The following FYN variants were observed in gnomAD, a reference collection of about 807,000 sequenced individuals.
FYN encodes the protein FYN proto-oncogene, Src family tyrosine kinase.
FYN carries 10 observed loss-of-function variants against 70.2 expected under a neutral mutation model. The ratio of observed to expected loss-of-function variants is 0.14; its 90% CI spans 0.09 to 0.24. The LOEUF is 0.24. Ranked by LOEUF, FYN falls within the 10% of genes least tolerant of loss-of-function variation. The pLI is 1.00. For synonymous variants in FYN, 236 were observed against 248.6 expected, an observed-to-expected ratio of 0.95 and a Z score of 0.48; for missense variants, 319 against 673.1, an observed-to-expected ratio of 0.47 and a Z score of 5.82.
At position 111,700,285 on chromosome 6, in the gene FYN, G is replaced by A. The variant is rs765166163; in HGVS notation, c.698-17C>T. ...CAGCTCTCTCTGATGGAGCAGGGCA[G>A]GGGCAGGAGAGGGAGAGAAGAGCAG... On this transcript the variant is annotated splice_polypyrimidine_tract_variant and intron_variant, in intron 8 of 13. Transcript: ENST00000354650. 7 of 1,613,224 alleles carry A rather than the reference G, an allele frequency of 4.3e-6. No homozygotes were observed. The highest frequency in any genetic ancestry group is 4.0e-5 in the African/African-American group (3 of 74,900).
chr6:111,871,754 C>T (rs1009568470), intron 1 of FYN, among the ~76,000 whole-genome samples: 1 of 152,154 alleles, frequency 6.6e-6, no homozygotes, highest in Non-Finnish European at 1.5e-5. Context: ...GGGGAAAGAA[C>T]GAGGGGATGG....
At chr6:111,678,179 C>T (rs1472302328) in intron 12 of FYN, among the ~76,000 whole-genome samples, 1 of 148,064 alleles carries the variant, frequency 6.8e-6, no homozygotes, top group Non-Finnish European at 1.5e-5. Flanking sequence ...ATCTTTTCCA[C>T]TGAATGTTTT....
chr6:111,728,888 G>A (rs1801315824), intron 3 of FYN, among the ~76,000 whole-genome samples: 1 of 151,992 alleles, frequency 6.6e-6, no homozygotes, highest in Non-Finnish European at 1.5e-5. Flanking sequence ...ATACAGATAA[G>A]AGAAACTCTA....
At chr6:111,831,285 A>G (rs1773009029) in intron 2 of FYN, among the ~76,000 whole-genome samples, 1 of 152,206 alleles carries the variant, frequency 6.6e-6, no homozygotes, top group Non-Finnish European at 1.5e-5. Context: ...GAACCAAAGA[A>G]TAACTGTTAC....
chr6:111,721,164 G>C (rs1262444416), intron 3 of FYN, among the ~76,000 whole-genome samples: 2 of 152,154 alleles, frequency 1.3e-5, no homozygotes, highest in Non-Finnish European at 2.9e-5. Context: ...TTCTCCGACT[G>C]CCCTGCCCTT....
At chr6:111,730,328 C>A (rs1364103145) in intron 3 of FYN, among the ~76,000 whole-genome samples, 2 of 152,176 alleles carry the variant, frequency 1.3e-5, no homozygotes, top group Non-Finnish European at 2.9e-5. Context: ...AGCAGGGTGG[C>A]TGGATTAGTG....
intron 3 of FYN, among the ~76,000 whole-genome samples, chr6:111,768,555 C>G (rs1267375094): frequency 6.6e-6 from 1 of 152,184 alleles, no homozygotes; most frequent in Non-Finnish European, 1.5e-5. Context: ...TGCCAGGGCC[C>G]TGTTCTCCGG....
At chr6:111,742,432 A>T (rs1802018443) in intron 3 of FYN, among the ~76,000 whole-genome samples, 1 of 152,222 alleles carries the variant, frequency 6.6e-6, no homozygotes, top group Non-Finnish European at 1.5e-5. Flanking sequence ...TTAACATCCA[A>T]TCATTTCTCT....
At chr6:111,837,762 G>A (rs574323175) in intron 2 of FYN, among the ~76,000 whole-genome samples, 2 of 151,686 alleles carry the variant, frequency 1.3e-5, no homozygotes, top group African/African-American at 4.8e-5. Context: ...TTGGTGAGAC[G>A]GTCAGGACTT....
rs374854376 is a variant in FYN at position 111,855,585 on chromosome 6, C to A, written c.-122-8956G>T. Among the ~76,000 whole-genome samples, 14 of 152,320 alleles carry A rather than the reference C, an allele frequency of 9.2e-5. No individual in the cohort carries two copies. In the South Asian group the frequency reaches 2.7e-3, roughly 29 times the overall value. ...ATACTAAATACAAAAAACACTTCAA[C>A]ATAGCAGTATATTCCTTCTCTTTTG... On this transcript the variant is annotated intron_variant, in intron 1 of 13. Coordinates refer to ENST00000354650, the MANE Select transcript of FYN (RefSeq NM_002037.5).
At chr6:111,746,452 T>C (rs6568704) in intron 3 of FYN, among the ~76,000 whole-genome samples, 87,056 of 151,534 alleles carry the variant, frequency 0.57, 26,520 homozygotes, top group East Asian at 0.87. Flanking sequence ...ACTTATTTTA[T>C]GTGGCAAGTT....
chr6:111,863,626 G>A (rs896444583), intron 1 of FYN, among the ~76,000 whole-genome samples: 1 of 152,250 alleles, frequency 6.6e-6, no homozygotes, highest in South Asian at 2.1e-4. Context: ...TCAATATAAA[G>A]CAGATGGAAT....
intron 2 of FYN, among the ~76,000 whole-genome samples, chr6:111,812,369 G>A (rs1583464482): frequency 6.6e-6 from 1 of 152,140 alleles, no homozygotes; most frequent in African/African-American, 2.4e-5. Context: ...TGGCTCCCAG[G>A]GAGTGGGTTT....
intron 3 of FYN, among the ~76,000 whole-genome samples, chr6:111,756,562 T>A (rs1446826608): frequency 2.0e-5 from 3 of 152,096 alleles, no homozygotes; most frequent in Non-Finnish European, 4.4e-5. Context: ...AATACAAATG[T>A]AAAAATCCTA....
In FYN at chr6:111,715,268, C is replaced by T. The variant is rs533302191; in HGVS notation, c.248-825G>A. 5.3e-5 allele frequency among the ~76,000 whole-genome samples: 8 copies of T among 151,018 alleles called. No homozygotes were observed. In the South Asian group the frequency reaches 6.3e-4, roughly 12 times the overall value. On this transcript the variant is annotated intron_variant, in intron 4 of 13. Coordinates refer to ENST00000354650, the MANE Select transcript of FYN (RefSeq NM_002037.5). ...TTCTTTTTTTTTTTTCAAATAGAGACGGGGGTCTCACTATGTTGCCCAGGC... is the reference window on the plus strand; with the variant it reads ...TTCTTTTTTTTTTTTCAAATAGAGATGGGGGTCTCACTATGTTGCCCAGGC...
chr6:111,826,560 C>G (rs1018722303), intron 2 of FYN, among the ~76,000 whole-genome samples: 1 of 152,072 alleles, frequency 6.6e-6, no homozygotes, highest in Admixed American at 6.5e-5. Context: ...ATTTATAGCC[C>G]CCACTCCCTT....
chr6:111,670,749 A>G (rs1798228259), intron 13 of FYN, among the ~76,000 whole-genome samples: 1 of 150,208 alleles, frequency 6.7e-6, no homozygotes. Flanking sequence ...TCTGTTGGCA[A>G]CAATGATAGA....
chr6:111,677,323 A>G (rs1798574886), intron 12 of FYN, among the ~76,000 whole-genome samples: 1 of 152,220 alleles, frequency 6.6e-6, no homozygotes, highest in Admixed American at 6.5e-5. Flanking sequence ...CAAAGCAGCA[A>G]TAAGGTATTA....
At chr6:111,860,166 G>A (rs1241988833) in intron 1 of FYN, among the ~76,000 whole-genome samples, 2 of 152,170 alleles carry the variant, frequency 1.3e-5, no homozygotes, top group African/African-American at 2.4e-5. Flanking sequence ...GTTCTCTTGT[G>A]TTAAGCCGAG....
Sources: gnomAD v4.1 joint callset for allele counts (sites outside exome capture counted in the v4.1 genomes callset) on GRCh38, gnomAD v4.1.1 for gene constraint, MANE v1.5 for transcripts, NCBI Gene and HGNC (gene_info 2026-07-23, HGNC 2026-07-21) for gene names.